The following PAK2 variants were observed in gnomAD, a reference collection of about 807,000 sequenced individuals.
PAK2 encodes the protein p21 (RAC1) activated kinase 2, also known as serine/threonine-protein kinase PAK 2.
PAK2 carries 21 observed loss-of-function variants against 65.9 expected under a neutral mutation model. The ratio of observed to expected loss-of-function variants is 0.32; its 90% CI spans 0.23 to 0.46. The LOEUF is 0.46. PAK2 is among the 20% of genes least tolerant of loss of function. PAK2 has a pLI of 1.00. For missense variants in PAK2, 324 were observed against 642.6 expected (o/e 0.50, Z 5.36); for synonymous variants, 204 against 219.7 (o/e 0.93, Z 0.63).
At chr3:196,787,129 A>G (rs1368169045) in intron 2 of PAK2, among the ~76,000 whole-genome samples, 3 of 151,994 alleles carry the variant, frequency 2.0e-5, no homozygotes, top group Non-Finnish European at 2.9e-5. Flanking sequence ...TGGCTCTTAT[A>G]TTGATTGTTA....
intron 1 of PAK2, among the ~76,000 whole-genome samples, chr3:196,761,952 CG>C (rs1278252355): frequency 2.3e-5 from 3 of 131,066 alleles, no homozygotes; most frequent in Admixed American, 1.5e-4. Flanking sequence ...GGGCAGCTGC[CG>C]GGCGGAGGGG....
At chr3:196,746,813 TA>T (rs71621294) in intron 1 of PAK2, among the ~76,000 whole-genome samples, 11,687 of 128,934 alleles carry the variant, frequency 0.091, 916 homozygotes, top group African/African-American at 0.22. Flanking sequence ...TCTGTCTCAT[TA>T]AAAAAAAAAA....
intron 2 of PAK2, among the ~76,000 whole-genome samples, chr3:196,789,121 CTAGT>C (rs1714988177): frequency 6.6e-6 from 1 of 152,192 alleles, no homozygotes; most frequent in Non-Finnish European, 1.5e-5. Flanking sequence ...AAGTTGGAAA[CTAGT>C]TAGGAGGCTT....
chr3:196,786,452 T>G (rs1172369563), intron 2 of PAK2, among the ~76,000 whole-genome samples: 1 of 152,132 alleles, frequency 6.6e-6, no homozygotes, highest in African/African-American at 2.4e-5. Context: ...TGAGCCACCG[T>G]GCCTGTCTTC....
chr3:196,808,318 T>C (rs192462938), intron 7 of PAK2, among the ~76,000 whole-genome samples: 181 of 149,370 alleles, frequency 1.2e-3, no homozygotes, highest in African/African-American at 4.4e-3. Flanking sequence ...ATCCCAGCAC[T>C]TTGGGAGGCC....
intron 1 of PAK2, among the ~76,000 whole-genome samples, chr3:196,740,489 C>G (rs2108700256): frequency 6.6e-6 from 1 of 152,308 alleles, no homozygotes; most frequent in South Asian, 2.1e-4. Flanking sequence ...CGCGTTTCAC[C>G]CTCTTCCTTT....
intron 1 of PAK2, among the ~76,000 whole-genome samples, chr3:196,764,310 G>A (rs890527350): frequency 1.3e-4 from 20 of 152,010 alleles, no homozygotes; most frequent in African/African-American, 4.8e-4. Context: ...ATGGAACATC[G>A]TATCTTAGAA....
intron 14 of PAK2, 28 bp from the exon 15 acceptor site, chr3:196,828,291 C>T: frequency 1.5e-6 from 2 of 1,349,452 alleles, no homozygotes; most frequent in Non-Finnish European, 2.1e-6. Context: ...GGCACTTATA[C>T]ATTTATTTTT....
At chr3:196,814,188 T>C in intron 10 of PAK2, among the ~76,000 whole-genome samples, 1 of 152,134 alleles carries the variant, frequency 6.6e-6, no homozygotes, top group East Asian at 1.9e-4. Context: ...TTCTATATTG[T>C]AGGGTTATTT....
Position 196,806,673 on chromosome 3 carries a change from A to T in PAK2, c.563A>T (p.Asp188Val). The stretch of plus-strand genomic sequence containing the variant: ...CCTCCCGTTATTGCCCCGCGACCGG[A>T]TCATACGAAATCAGTGAGTCTCCAT... ...TAPPVIAPRP[D>V]HTKSIYTRSV... The change falls in exon 6 of 15, where the codon GAT (aspartate) becomes GTT (valine). Residue 188 changes from aspartate to valine, a missense_variant. Around this residue, in one of 5 missense-constraint regions of PAK2, gnomAD observed 183 missense variants for 246.2 expected, o/e 0.74. Coordinates refer to ENST00000327134, the MANE Select transcript of PAK2 (RefSeq NM_002577.4). 1 of 1,594,096 alleles carries T rather than the reference A, an allele frequency of 6.3e-7. No homozygotes were observed. Among genetic ancestry groups the T allele is most frequent in the Non-Finnish European group, 8.6e-7 (1 of 1,161,818 alleles).
intron 2 of PAK2, among the ~76,000 whole-genome samples, chr3:196,787,603 G>T (rs1327757383): frequency 6.7e-6 from 1 of 150,360 alleles, no homozygotes; most frequent in Non-Finnish European, 1.5e-5. Flanking sequence ...AAAAAGAATT[G>T]TATAGACTTT....
At chr3:196,741,186 C>G (rs761913656) in intron 1 of PAK2, among the ~76,000 whole-genome samples, 11 of 152,258 alleles carry the variant, frequency 7.2e-5, no homozygotes, top group Admixed American at 1.3e-4. Context: ...AGGTTGTGCA[C>G]GTCACGTTTT....
intron 8 of PAK2, 77 bp downstream of exon 8, chr3:196,810,730 C>T (rs1715748669): frequency 1.3e-6 from 1 of 792,064 alleles, no homozygotes; most frequent in African/African-American, 1.7e-5. Context: ...GTTTATTTTG[C>T]CTGCCGACAT....
intron 1 of PAK2, among the ~76,000 whole-genome samples, chr3:196,776,528 T>G (rs911886711): frequency 3.3e-5 from 5 of 152,214 alleles, no homozygotes; most frequent in African/African-American, 1.2e-4. Flanking sequence ...TGACACAATT[T>G]AGGCTTTCAA....
intron 1 of PAK2, among the ~76,000 whole-genome samples, chr3:196,768,035 G>A (rs994447360): frequency 6.6e-6 from 1 of 151,958 alleles, no homozygotes; most frequent in African/African-American, 2.4e-5. Flanking sequence ...TTCACATAGT[G>A]GTTGCATATC....
chr3:196,780,311 C>T (rs180762043), intron 1 of PAK2, among the ~76,000 whole-genome samples: 32 of 152,252 alleles, frequency 2.1e-4, no homozygotes, highest in Admixed American at 2.6e-4. Context: ...AACCTGAGAC[C>T]GGGCCATTTA....
chr3:196,794,997 T>C (rs1285828257), intron 2 of PAK2, among the ~76,000 whole-genome samples: 1 of 151,946 alleles, frequency 6.6e-6, no homozygotes, highest in Non-Finnish European at 1.5e-5. Flanking sequence ...AGCAAACATA[T>C]CCAATAAAAA....
At chr3:196,826,232 C>T (rs568442252) in intron 13 of PAK2, among the ~76,000 whole-genome samples, 9 of 150,222 alleles carry the variant, frequency 6.0e-5, no homozygotes, top group Non-Finnish European at 8.9e-5. Context: ...AGTGCAGTGG[C>T]GCAATCTCGG....
At chr3:196,811,217 CTCCCTCCCTTCCCT>C (rs1274141170) in intron 8 of PAK2, among the ~76,000 whole-genome samples, 200 of 5,396 alleles carry the variant, frequency 0.037, 21 homozygotes, top group Non-Finnish European at 0.046. Flanking sequence ...CTTCCCTTCC[CTCCCTCCCTTCCCT>C]TCCCTTCCTT....
Sources: allele counts gnomAD v4.1 joint callset (sites outside exome capture counted in the v4.1 genomes callset), GRCh38; gene constraint gnomAD v4.1.1; regional missense constraint gnomAD v4.1.1; transcripts MANE v1.5; gene names NCBI Gene and HGNC (gene_info 2026-07-23, HGNC 2026-07-21).